The following CD200R1 variants were observed in gnomAD, a reference collection of about 807,000 sequenced individuals.
CD200R1 encodes CD200 receptor 1.
Under a neutral mutation model 38.1 loss-of-function variants are expected in CD200R1, and 30 were observed. The observed-to-expected ratio is 0.79, with a 90% confidence interval of 0.59 to 1.07. CD200R1 has a LOEUF of 1.07. Ranked by LOEUF, CD200R1 falls within the 50% of genes least tolerant of loss-of-function variation. The probability of loss-of-function intolerance (pLI) is 0.00; values close to 1 mark genes in which losing one functional copy is unlikely to be tolerated. For missense variants in CD200R1, 372 were observed against 415.4 expected, an observed-to-expected ratio of 0.90 and a Z score of 0.91; for synonymous variants, 128 against 152.1, an observed-to-expected ratio of 0.84 and a Z score of 1.16.
chr3:112,937,649 G>A (rs1299814147), intron 2 of CD200R1, among the ~76,000 whole-genome samples: 8 of 151,526 alleles, frequency 5.3e-5, no homozygotes, highest in African/African-American at 1.5e-4. Flanking sequence ...TGTTCTTTTT[G>A]CTGAGAATTG....
At position 112,925,035 on chromosome 3, in the gene CD200R1, T is replaced by G. The variant is rs372050229; in HGVS notation, c.878+50A>C. 2.0e-5 allele frequency: 22 copies of G among 1,102,528 alleles called. No homozygotes were observed. The African/African-American group carries it at 3.4e-4, about 17-fold the overall frequency. The allele number at this position is 1,102,528 out of a possible 1,614,324, so 68.3% of individuals were successfully genotyped here. A position where few individuals can be genotyped will look rare whatever the true frequency, so the allele number is the denominator to read the frequency against. ...CGGTCAGTTCCATATTTCTGACTCTTTTCTAGCCTAATAAAGCTGAAGAAG... is the reference window on the plus strand; with the variant it reads ...CGGTCAGTTCCATATTTCTGACTCTGTTCTAGCCTAATAAAGCTGAAGAAG... On this transcript the variant is annotated intron_variant, in intron 6 of 7. Coordinates refer to ENST00000308611, the MANE Select transcript of CD200R1 (RefSeq NM_138806.4).
At chr3:112,929,560 G>A in intron 3 of CD200R1, 53 bp from the exon 4 acceptor site, 4 of 1,468,834 alleles carry the variant, frequency 2.7e-6, no homozygotes, top group Non-Finnish European at 2.8e-6. Flanking sequence ...AACTTCATGT[G>A]TTACATTTAT....
chr3:112,931,213 G>T, intron 2 of CD200R1, 42 bp from the exon 3 acceptor site: 1 of 1,261,820 alleles, frequency 7.9e-7, no homozygotes, highest in Non-Finnish European at 1.2e-6. Flanking sequence ...TCAATTTTAT[G>T]TACTCAGAGT....
intron 5 of CD200R1, among the ~76,000 whole-genome samples, chr3:112,925,777 A>G (rs931635295): frequency 6.6e-6 from 1 of 152,188 alleles, no homozygotes; most frequent in Non-Finnish European, 1.5e-5. Context: ...TCTACTAAAA[A>G]TAAAGTTATC....
At chr3:112,930,070 CT>C (rs964089529) in intron 3 of CD200R1, among the ~76,000 whole-genome samples, 1 of 149,646 alleles carries the variant, frequency 6.7e-6, no homozygotes, top group East Asian at 2.0e-4. Flanking sequence ...TTTTTAAGTT[CT>C]TTTTTTTAAA....
chr3:112,942,741 GAT>G (rs139333737), intron 2 of CD200R1, among the ~76,000 whole-genome samples: 3 of 149,924 alleles, frequency 2.0e-5, no homozygotes, highest in Admixed American at 1.3e-4. Flanking sequence ...AATCTAAAGA[GAT>G]ATATATATAT....
At chr3:112,960,984 A>T (rs1231414609) in intron 1 of CD200R1, among the ~76,000 whole-genome samples, 1 of 152,108 alleles carries the variant, frequency 6.6e-6, no homozygotes, top group Middle Eastern at 3.2e-3. Flanking sequence ...CCGACACTTT[A>T]TGAAACTGAT....
At chr3:112,926,930 A>T (rs1940293328) in intron 5 of CD200R1, among the ~76,000 whole-genome samples, 1 of 152,162 alleles carries the variant, frequency 6.6e-6, no homozygotes, top group Admixed American at 6.6e-5. Flanking sequence ...ACAAAACTCC[A>T]GGAAAACTCT....
At chr3:112,961,825 G>A (rs534572569) in intron 1 of CD200R1, among the ~76,000 whole-genome samples, 1 of 152,100 alleles carries the variant, frequency 6.6e-6, no homozygotes, top group Admixed American at 6.5e-5. Context: ...AAAAGAGATG[G>A]ACAACTCAAC....
At chr3:112,967,289 A>G (rs1355400467) in intron 1 of CD200R1, among the ~76,000 whole-genome samples, 1 of 152,012 alleles carries the variant, frequency 6.6e-6, no homozygotes, top group Non-Finnish European at 1.5e-5. Flanking sequence ...TCACCACTCC[A>G]GTCATAGTTT....
chr3:112,928,988 C>G lies in CD200R1; in HGVS notation c.597G>C (p.Ala199=), dbSNP rs777770449. The G allele has an allele frequency of 9.3e-6, 15 of 1,613,778 alleles. No homozygotes were observed. The highest frequency in any genetic ancestry group is 1.3e-5 in the African/African-American group (1 of 74,912). ...VCKAVAGKPA[A]HISWIPEGDC... The stretch of plus-strand genomic sequence containing the variant: ...CGCCCTCTGGGATCCAGGAGATATG[C>G]GCAGCTGGCTTCCCTGCAACTGCCT... Residue 199 remains alanine, a synonymous_variant, in exon 5 of 8, where the codon GCG becomes GCC. Coordinates refer to ENST00000308611, the MANE Select transcript of CD200R1 (RefSeq NM_138806.4).
chr3:112,965,730 G>A (rs771967730), intron 1 of CD200R1, among the ~76,000 whole-genome samples: 5 of 151,808 alleles, frequency 3.3e-5, no homozygotes, highest in Admixed American at 6.6e-5. Context: ...CACTGCACTC[G>A]AGCCTGGCGA....
At chr3:112,960,450 T>G (rs1932990331) in intron 1 of CD200R1, among the ~76,000 whole-genome samples, 1 of 152,036 alleles carries the variant, frequency 6.6e-6, no homozygotes, top group Admixed American at 6.6e-5. Context: ...GAACAAACTA[T>G]TTTGCAGACA....
rs974513034 is a variant in CD200R1 at position 112,929,632 on chromosome 3, A to G, written c.203-125T>C. ...TTGGTGATCTTATTCCAAAAATATT[A>G]GACCTTCATAAAAAATTAAAATTCT... On this transcript the variant is annotated intron_variant, in intron 3 of 7. Coordinates refer to ENST00000308611, the MANE Select transcript of CD200R1 (RefSeq NM_138806.4). 9.5e-6 allele frequency: 8 copies of G among 842,790 alleles called. No individual in the cohort carries two copies. The South Asian group carries it at 1.3e-4, about 14-fold the overall frequency. 52.2% of individuals were successfully genotyped at this position (842,790 alleles called of 1,614,324 possible).
At chr3:112,944,497 AC>A (rs1190298813) in intron 2 of CD200R1, among the ~76,000 whole-genome samples, 3 of 152,022 alleles carry the variant, frequency 2.0e-5, no homozygotes, top group Admixed American at 6.5e-5. Flanking sequence ...AACTTAAAAA[AC>A]ATCTACAAAA....
intron 2 of CD200R1, among the ~76,000 whole-genome samples, chr3:112,944,053 C>T (rs1326100939): frequency 6.6e-6 from 1 of 151,878 alleles, no homozygotes; most frequent in East Asian, 1.9e-4. Flanking sequence ...CTGATAAATT[C>T]TGTTAAATAT....
At chr3:112,966,214 T>G (rs1321041464) in intron 1 of CD200R1, among the ~76,000 whole-genome samples, 1 of 152,182 alleles carries the variant, frequency 6.6e-6, no homozygotes, top group Non-Finnish European at 1.5e-5. Context: ...AGGAAAGACC[T>G]AGAGCAGTGT....
chr3:112,964,869 T>A (rs932333978), intron 1 of CD200R1, among the ~76,000 whole-genome samples: 3 of 152,134 alleles, frequency 2.0e-5, no homozygotes, highest in Non-Finnish European at 1.5e-5. Flanking sequence ...GTGGGAGGTA[T>A]TTGAACCATG....
At position 112,974,867 on chromosome 3, in the gene CD200R1, C is replaced by T; in HGVS notation, c.-10G>A. On this transcript the variant is annotated 5_prime_UTR_variant, in exon 1 of 8. Coordinates refer to ENST00000308611, the MANE Select transcript of CD200R1 (RefSeq NM_138806.4). ...TCCAAGGGCAGAGCATTTCTGTTTT[C>T]TCTTTTTCTGCCCTTCACTCAGTAC... The T allele has an allele frequency of 6.2e-7, 1 of 1,611,456 alleles. No homozygotes were observed. Among genetic ancestry groups the T allele is most frequent in the Non-Finnish European group, 8.5e-7 (1 of 1,177,836 alleles).
Sources: allele counts gnomAD v4.1 joint callset (sites outside exome capture counted in the v4.1 genomes callset), GRCh38; gene constraint gnomAD v4.1.1; transcripts MANE v1.5; gene names NCBI Gene and HGNC (gene_info 2026-07-23, HGNC 2026-07-21).